The following CMSS1 variants were observed in gnomAD, a reference collection of about 807,000 sequenced individuals.
CMSS1 encodes the protein protein CMSS1.
In CMSS1, 33 loss-of-function variants were observed where a neutral mutation model predicts 43.5. The ratio of observed to expected loss-of-function variants is 0.76; its 90% CI spans 0.57 to 1.01. The LOEUF (loss-of-function observed/expected upper bound fraction) is 1.01. Ranked by LOEUF, CMSS1 falls within the 50% of genes least tolerant of loss-of-function variation. CMSS1 has a pLI of 0.00. For missense variants in CMSS1, 313 were observed against 326.4 expected, an observed-to-expected ratio of 0.96 and a Z score of 0.32; for synonymous variants, 115 against 117.2, an observed-to-expected ratio of 0.98 and a Z score of 0.12.
rs2067167150 is a variant in CMSS1 at position 100,178,627 on chromosome 3, T to G, written c.*239T>G. ...GATCCTTGTTGAGCGGACCGTGTTT[T>G]TCTGTCACCAACTGGCTTCTGATGT... On this transcript the variant is annotated 3_prime_UTR_variant, in exon 10 of 10. Coordinates refer to ENST00000421999, the MANE Select transcript of CMSS1 (RefSeq NM_032359.4). The G allele has an allele frequency of 2.7e-6, 1 of 377,036 alleles. No individual in the cohort carries two copies. The highest frequency in any genetic ancestry group is 4.8e-6 in the Non-Finnish European group (1 of 206,788). 23.4% of individuals were successfully genotyped at this position (377,036 alleles called of 1,614,324 possible).
chr3:99,862,101 A>G (rs1486437336), intron 1 of CMSS1, among the ~76,000 whole-genome samples: 1 of 152,234 alleles, frequency 6.6e-6, no homozygotes, highest in South Asian at 2.1e-4. Flanking sequence ...CAAAAAAATG[A>G]TAAGTATGTA....
chr3:99,943,276 G>A (rs1225083516), intron 1 of CMSS1, among the ~76,000 whole-genome samples: 1 of 152,114 alleles, frequency 6.6e-6, no homozygotes, highest in African/African-American at 2.4e-5. Context: ...AAGGAGGTTT[G>A]AAGACATTTC....
intron 1 of CMSS1, among the ~76,000 whole-genome samples, chr3:99,924,716 T>A (rs1281849368): frequency 6.6e-6 from 1 of 152,138 alleles, no homozygotes; most frequent in Non-Finnish European, 1.5e-5. Flanking sequence ...GAGACAGGGT[T>A]TCTCCACGTT....
In CMSS1 at chr3:100,021,960, T is replaced by TGTGTGTGTGTGTGAGAGAGA. The variant is rs1321185364; in HGVS notation, c.65-125012_65-125011insTGTGTGTGTGTGAGAGAGAG. Among the ~76,000 whole-genome samples, 3 of 93,330 alleles carry TGTGTGTGTGTGTGAGAGAGA rather than the reference T, an allele frequency of 3.2e-5. No individual in the cohort carries two copies. In the South Asian group the frequency reaches 1.3e-3, roughly 41 times the overall value. 61.2% of individuals were successfully genotyped at this position (93,330 alleles called of 152,430 possible). On this transcript the variant is annotated intron_variant, in intron 1 of 9. Coordinates refer to ENST00000421999, the MANE Select transcript of CMSS1 (RefSeq NM_032359.4). The stretch of plus-strand genomic sequence containing the variant: ...GTGTGTGTGTGTGTGTGTGTGTGTG[T>TGTGTGTGTGTGTGAGAGAGA]GAGAGAGAGAGAGAGAGAGAGAGAG...
intron 1 of CMSS1, among the ~76,000 whole-genome samples, chr3:99,863,034 G>C (rs1460594998): frequency 6.6e-6 from 1 of 152,172 alleles, no homozygotes; most frequent in East Asian, 1.9e-4. Context: ...GATACTCATA[G>C]ACTTGGTCTA....
chr3:100,160,017 C>A, intron 2 of CMSS1: 1 of 436,358 alleles, frequency 2.3e-6, no homozygotes, highest in Non-Finnish European at 4.6e-6. Flanking sequence ...AATGTAGGCT[C>A]ACACACAGCT....
At chr3:100,140,760 CTT>C (rs1460452672) in intron 1 of CMSS1, among the ~76,000 whole-genome samples, 1 of 151,544 alleles carries the variant, frequency 6.6e-6, no homozygotes, top group African/African-American at 2.4e-5. Flanking sequence ...TGGGCCCTCT[CTT>C]AGAAAAAGAA....
intron 1 of CMSS1, among the ~76,000 whole-genome samples, chr3:99,972,481 C>T (rs1708852371): frequency 6.6e-6 from 1 of 152,164 alleles, no homozygotes; most frequent in Non-Finnish European, 1.5e-5. Flanking sequence ...TATTTCTCTC[C>T]ATTAGTTATT....
At chr3:99,821,659 A>G (rs570006552) in intron 1 of CMSS1, among the ~76,000 whole-genome samples, 12 of 152,260 alleles carry the variant, frequency 7.9e-5, no homozygotes, top group Non-Finnish European at 1.6e-4. Flanking sequence ...ATTTTAATGT[A>G]GTTGACCGGT....
Position 99,948,339 on chromosome 3 carries a change from A to G in CMSS1, c.64+130296A>G, listed in dbSNP as rs1388433862. Among the ~76,000 whole-genome samples the G allele has an allele frequency of 2.0e-5, 3 of 152,182 alleles. No homozygotes were observed. The East Asian group carries it at 5.8e-4, about 29-fold the overall frequency. On this transcript the variant is annotated intron_variant, in intron 1 of 9. Transcript: ENST00000421999. ...GAGACTGTCTCTCCAAAAAAATAAA[A>G]AAATTAAAAAATTTTTTAAAAATTA...
intron 1 of CMSS1, among the ~76,000 whole-genome samples, chr3:100,044,699 G>A (rs535899011): frequency 6.6e-6 from 1 of 152,176 alleles, no homozygotes; most frequent in East Asian, 1.9e-4. Flanking sequence ...TTTTTAATGA[G>A]GTAAAAACTT....
At chr3:100,060,422 C>T (rs959092977) in intron 1 of CMSS1, among the ~76,000 whole-genome samples, 3 of 151,886 alleles carry the variant, frequency 2.0e-5, no homozygotes, top group African/African-American at 7.3e-5. Context: ...AGCAAGGTAG[C>T]TTTAAAGTAT....
intron 1 of CMSS1, among the ~76,000 whole-genome samples, chr3:99,832,261 C>G (rs1345577032): frequency 6.8e-6 from 1 of 146,660 alleles, no homozygotes; most frequent in Non-Finnish European, 1.5e-5. Context: ...GACGGAGTCT[C>G]GCTGTATCAC....
chr3:99,956,480 G>GT (rs1708322599), intron 1 of CMSS1, among the ~76,000 whole-genome samples: 1 of 152,180 alleles, frequency 6.6e-6, no homozygotes, highest in Non-Finnish European at 1.5e-5. Context: ...AGCCTCCCTA[G>GT]TAGCTGGGAT....
chr3:99,887,905 C>A (rs1482251596), intron 1 of CMSS1, among the ~76,000 whole-genome samples: 2 of 151,988 alleles, frequency 1.3e-5, no homozygotes, highest in Non-Finnish European at 2.9e-5. Flanking sequence ...CCACACCTGG[C>A]TAATTTTTTT....
At chr3:99,995,133 G>C (rs893991690) in intron 1 of CMSS1, among the ~76,000 whole-genome samples, 3 of 152,108 alleles carry the variant, frequency 2.0e-5, no homozygotes, top group Non-Finnish European at 4.4e-5. Flanking sequence ...TTCCACCTAT[G>C]AGCCAGTAAA....
rs900334406 is a variant in CMSS1, at chr3:100,018,091, G to T, written c.65-128882G>T. The stretch of plus-strand genomic sequence containing the variant: ...CGCCTGTAATCTCAGCACTTTGGGA[G>T]GCCGAGGCGGGCAGATCACCAGGTC... On this transcript the variant is annotated intron_variant, in intron 1 of 9. Coordinates refer to ENST00000421999, the MANE Select transcript of CMSS1 (RefSeq NM_032359.4). Among the ~76,000 whole-genome samples, 6 of 152,288 alleles carry T rather than the reference G, an allele frequency of 3.9e-5. No individual in the cohort carries two copies. The East Asian group carries it at 1.2e-3, about 29-fold the overall frequency.
Position 100,092,043 on chromosome 3 carries a change from G to A in CMSS1, c.65-54930G>A, listed in dbSNP as rs776471137. 1.6e-4 allele frequency among the ~76,000 whole-genome samples: 25 copies of A among 152,158 alleles called. 1 individual carries two copies. The South Asian group carries it at 2.3e-3, about 14-fold the overall frequency. Reference sequence around the variant, plus strand: ...TGCCACATATGTAAAATGGGGTTGCGGATATTAATATCTATTTCATAGGGC... The same window carrying A: ...TGCCACATATGTAAAATGGGGTTGCAGATATTAATATCTATTTCATAGGGC... On this transcript the variant is annotated intron_variant, in intron 1 of 9. Transcript: ENST00000421999.
intron 1 of CMSS1, among the ~76,000 whole-genome samples, chr3:100,107,275 A>T (rs1323448856): frequency 6.6e-6 from 1 of 152,164 alleles, no homozygotes; most frequent in African/African-American, 2.4e-5. Flanking sequence ...TGCTGAAAAA[A>T]CTAGGTTATT....
Sources: allele counts gnomAD v4.1 joint callset (sites outside exome capture counted in the v4.1 genomes callset), GRCh38; gene constraint gnomAD v4.1.1; transcripts MANE v1.5; gene names NCBI Gene and HGNC (gene_info 2026-07-23, HGNC 2026-07-21).